MMP26: variants seen among roughly 807,000 people sequenced by gnomAD.
MMP26 encodes the protein matrix metallopeptidase 26.
MMP26 carries 33 observed loss-of-function variants against 31.0 expected under a neutral mutation model. That is an observed-to-expected ratio of 1.06 (90% CI 0.81 to 1.42). MMP26 has a LOEUF of 1.42. Ranked by LOEUF, MMP26 falls within the 40% of genes most tolerant of loss-of-function variation. The probability of loss-of-function intolerance (pLI) is 0.00; values close to 1 mark genes in which losing one functional copy is unlikely to be tolerated. For synonymous variants in MMP26, 122 were observed against 114.9 expected (o/e 1.06, Z -0.40); for missense variants, 347 against 316.1 (o/e 1.10, Z -0.74).
chr11:4,792,670 A>T (rs890766961), intron 2 of MMP26, among the ~76,000 whole-genome samples: 3 of 152,224 alleles, frequency 2.0e-5, no homozygotes, highest in African/African-American at 7.2e-5. Flanking sequence ...AGAGTTAAAA[A>T]TCAAAAACTG....
intron 2 of MMP26, among the ~76,000 whole-genome samples, chr11:4,934,303 T>C (rs1235628758): frequency 1.3e-5 from 2 of 149,522 alleles, no homozygotes; most frequent in African/African-American, 5.0e-5. Flanking sequence ...GTGGTTTTGA[T>C]TTGAATTTCT....
chr11:4,803,360 G>T, intron 2 of MMP26: 3 of 1,034,312 alleles, frequency 2.9e-6, no homozygotes, highest in Non-Finnish European at 4.3e-6. Context: ...ATAAGTAATA[G>T]CCTGTCAAAT....
chr11:4,940,813 C>G (rs1846195856), intron 2 of MMP26, among the ~76,000 whole-genome samples: 1 of 152,174 alleles, frequency 6.6e-6, no homozygotes, highest in East Asian at 1.9e-4. Context: ...GACCTTGGTT[C>G]ATTTTCCCCT....
rs185000769 is a variant in MMP26, at chr11:4,814,373, T to C, written c.-145+47032T>C. Among the ~76,000 whole-genome samples, 406 of 152,110 alleles carry C rather than the reference T, an allele frequency of 2.7e-3. 1 individual carries two copies. Among genetic ancestry groups the C allele is most frequent in the Non-Finnish European group, 4.8e-3 (328 of 67,956 alleles). ...TCTGTCAATCAAAGATTAAACAAAA[T>C]TGGCCTCACTTAAGCAATAGAATAC... is the stretch of plus-strand genomic sequence containing the variant. On this transcript the variant is annotated intron_variant, in intron 2 of 7. Transcript: ENST00000380390.
In MMP26 at chr11:4,938,960, T is replaced by C. The variant is rs569274602; in HGVS notation, c.-144-49108T>C. On this transcript the variant is annotated intron_variant, in intron 2 of 7. Coordinates refer to ENST00000380390, the MANE Select transcript of MMP26 (RefSeq NM_021801.5). ...AATACATCCTAATTTCTCCCCAGTA[T>C]TAGCATATTAACTAATACCTAAAGC... 6.2e-4 allele frequency among the ~76,000 whole-genome samples: 94 copies of C among 152,272 alleles called. 2 individuals carry two copies. In the South Asian group the frequency reaches 0.019, roughly 31 times the overall value.
At chr11:4,777,357 G>A (rs576650918) in intron 2 of MMP26, among the ~76,000 whole-genome samples, 5 of 152,242 alleles carry the variant, frequency 3.3e-5, no homozygotes, top group African/African-American at 1.2e-4. Context: ...AGATTTGTCT[G>A]AAGATTTTAA....
rs552900825 is a variant in MMP26 at position 4,984,342 on chromosome 11, A to G, written c.-144-3726A>G. 3.3e-5 allele frequency among the ~76,000 whole-genome samples: 5 copies of G among 152,262 alleles called. No individual in the cohort carries two copies. In the South Asian group the frequency reaches 1.0e-3, roughly 32 times the overall value. On this transcript the variant is annotated intron_variant, in intron 2 of 7. Transcript: ENST00000380390. ...AACTATAAGATGAATACTATAAAAC[A>G]CCTACTTCACAGGTAGTTGTGTTGA...
At chr11:4,831,735 C>T (rs1043280703) in intron 2 of MMP26, among the ~76,000 whole-genome samples, 4 of 152,122 alleles carry the variant, frequency 2.6e-5, no homozygotes, top group African/African-American at 7.2e-5. Flanking sequence ...TGTGTGAGTA[C>T]ATGACCATTG....
intron 2 of MMP26, among the ~76,000 whole-genome samples, chr11:4,925,790 G>C (rs1165653281): frequency 6.7e-6 from 1 of 149,352 alleles, no homozygotes; most frequent in African/African-American, 2.5e-5. Context: ...AAAAAATGAA[G>C]TAGGACAAGT....
chr11:4,864,326 G>T (rs1054024276), intron 2 of MMP26, among the ~76,000 whole-genome samples: 2 of 152,108 alleles, frequency 1.3e-5, no homozygotes, highest in Admixed American at 1.3e-4. Flanking sequence ...CTGGTTACTC[G>T]AGCCTGTGCC....
At chr11:4,850,846 G>A (rs1189854658) in intron 2 of MMP26, among the ~76,000 whole-genome samples, 1 of 143,884 alleles carries the variant, frequency 7.0e-6, no homozygotes, top group Non-Finnish European at 1.5e-5. Flanking sequence ...GATGGAGTGA[G>A]GAGGCTAACC....
intron 2 of MMP26, chr11:4,915,554 C>T: frequency 6.2e-7 from 1 of 1,614,046 alleles, no homozygotes; most frequent in Non-Finnish European, 8.5e-7. Flanking sequence ...ATACATGAAG[C>T]ACAGTGGGAT....
intron 1 of MMP26, among the ~76,000 whole-genome samples, chr11:4,733,140 C>G (rs546340333): frequency 6.6e-6 from 1 of 152,248 alleles, no homozygotes; most frequent in Non-Finnish European, 1.5e-5. Flanking sequence ...CTTCTGGAAC[C>G]CTTAAAATTC....
intron 2 of MMP26, among the ~76,000 whole-genome samples, chr11:4,771,731 C>T (rs1436042794): frequency 1.3e-5 from 2 of 152,050 alleles, no homozygotes; most frequent in African/African-American, 2.4e-5. Flanking sequence ...TCCCTTTATG[C>T]TAGTATTCTG....
intron 2 of MMP26, chr11:4,955,483 T>A (rs1226218810): frequency 1.5e-6 from 2 of 1,299,466 alleles, no homozygotes; most frequent in African/African-American, 3.2e-5. Flanking sequence ...GCAGAGATGA[T>A]AAAGACAAAC....
intron 2 of MMP26, among the ~76,000 whole-genome samples, chr11:4,858,299 G>A (rs969152041): frequency 6.6e-6 from 1 of 152,158 alleles, no homozygotes; most frequent in Non-Finnish European, 1.5e-5. Context: ...CCTGTTTGCA[G>A]ATGACATGAT....
intron 2 of MMP26, chr11:4,889,783 A>T: frequency 5.9e-6 from 1 of 168,528 alleles, no homozygotes; most frequent in Non-Finnish European, 1.3e-5. Context: ...TGACGGGCGC[A>T]TAGAAGATAA....
chr11:4,950,048 C>T (rs994487212), intron 2 of MMP26, among the ~76,000 whole-genome samples: 1 of 122,884 alleles, frequency 8.1e-6, no homozygotes, highest in Non-Finnish European at 1.8e-5. Flanking sequence ...ATGACAGTGA[C>T]ACAATTCTAT....
intron 2 of MMP26, among the ~76,000 whole-genome samples, chr11:4,885,140 G>C (rs964510415): frequency 6.6e-6 from 1 of 151,950 alleles, no homozygotes; most frequent in Non-Finnish European, 1.5e-5. Context: ...CACCCCTATG[G>C]TAATTGTCAA....
Sources: allele counts gnomAD v4.1 joint callset (sites outside exome capture counted in the v4.1 genomes callset), GRCh38; gene constraint gnomAD v4.1.1; transcripts MANE v1.5; gene names NCBI Gene and HGNC (gene_info 2026-07-23, HGNC 2026-07-21).